The following CCDC158 variants were observed in gnomAD, a reference collection of about 807,000 sequenced individuals.
The protein encoded by CCDC158 is coiled-coil domain-containing protein 158.
Under a neutral mutation model 138.6 loss-of-function variants are expected in CCDC158, and 116 were observed. The ratio of observed to expected loss-of-function variants is 0.84; its 90% confidence interval spans 0.72 to 0.98. The LOEUF (loss-of-function observed/expected upper bound fraction) is 0.98. Ranked by LOEUF, CCDC158 falls within the 50% of genes least tolerant of loss-of-function variation. CCDC158 has a pLI of 0.00. For missense variants in CCDC158, 1,265 were observed against 1,306.1 expected (o/e 0.97, Z 0.48); for synonymous variants, 436 against 442.4 (o/e 0.99, Z 0.18).
chr4:76,419,975 T>C (rs978853683), intron 1 of CCDC158, among the ~76,000 whole-genome samples: 1 of 149,046 alleles, frequency 6.7e-6, no homozygotes, highest in East Asian at 2.0e-4. Flanking sequence ...TCATTGTAAA[T>C]GCACAACAAC....
At chr4:76,393,843 G>T (rs959170969) in intron 4 of CCDC158, among the ~76,000 whole-genome samples, 11 of 152,062 alleles carry the variant, frequency 7.2e-5, no homozygotes, top group Non-Finnish European at 1.3e-4. Flanking sequence ...TTTCTCAAAA[G>T]AAGAAATACA....
chr4:76,367,806 G>A (rs768354227), intron 11 of CCDC158, 30 bp from the exon 12 acceptor site: 2 of 1,569,324 alleles, frequency 1.3e-6, no homozygotes, highest in Non-Finnish European at 1.7e-6. Flanking sequence ...GAATTTCATA[G>A]ATTTGGGAGG....
At chr4:76,341,806 T>TA (rs1212696445) in intron 18 of CCDC158, among the ~76,000 whole-genome samples, 2 of 152,232 alleles carry the variant, frequency 1.3e-5, no homozygotes, top group East Asian at 1.9e-4. Context: ...CTGGTTTTCC[T>TA]ACTTTCTTAC....
At chr4:76,318,124 C>T (rs1237345737) in intron 24 of CCDC158, among the ~76,000 whole-genome samples, 1 of 151,954 alleles carries the variant, frequency 6.6e-6, no homozygotes, top group Non-Finnish European at 1.5e-5. Flanking sequence ...ACAAACTAAA[C>T]CCAAACCCAG....
At chr4:76,322,255 C>A (rs4446340) in intron 24 of CCDC158, among the ~76,000 whole-genome samples, 1 of 152,148 alleles carries the variant, frequency 6.6e-6, no homozygotes. Flanking sequence ...TTGGAATTTT[C>A]TTCAACAACA....
At chr4:76,420,145 A>T (rs573279764) in intron 1 of CCDC158, among the ~76,000 whole-genome samples, 4 of 151,586 alleles carry the variant, frequency 2.6e-5, no homozygotes, top group African/African-American at 9.8e-5. Flanking sequence ...TAGGAGGACC[A>T]CATCTCTCTC....
intron 23 of CCDC158, among the ~76,000 whole-genome samples, chr4:76,323,787 G>A (rs147834229): frequency 6.6e-6 from 1 of 152,296 alleles, no homozygotes; most frequent in East Asian, 1.9e-4. Flanking sequence ...GTTTGAGGGA[G>A]TATGATCTAA....
intron 4 of CCDC158, among the ~76,000 whole-genome samples, chr4:76,385,152 G>A (rs751987515): frequency 3.3e-5 from 5 of 152,126 alleles, no homozygotes; most frequent in Admixed American, 2.0e-4. Context: ...AGATGCTCCC[G>A]TACATAGTTG....
intron 12 of CCDC158, among the ~76,000 whole-genome samples, chr4:76,362,966 G>A (rs1328491753): frequency 1.3e-5 from 2 of 152,204 alleles, no homozygotes; most frequent in Non-Finnish European, 2.9e-5. Context: ...TGCAGAAAGA[G>A]TTCACATAGC....
At chr4:76,318,377 T>C (rs753552896) in intron 24 of CCDC158, among the ~76,000 whole-genome samples, 8 of 152,158 alleles carry the variant, frequency 5.3e-5, no homozygotes, top group Non-Finnish European at 8.8e-5. Flanking sequence ...AGGGCTACTA[T>C]GAACACTTTT....
At chr4:76,379,070 T>C (rs1725979144) in intron 9 of CCDC158, among the ~76,000 whole-genome samples, 1 of 151,504 alleles carries the variant, frequency 6.6e-6, no homozygotes, top group Admixed American at 6.6e-5. Context: ...ACTTGAACTA[T>C]GCAAAAAATT....
intron 17 of CCDC158, among the ~76,000 whole-genome samples, chr4:76,351,494 TAAACTCA>T (rs1723034290): frequency 6.6e-6 from 1 of 152,182 alleles, no homozygotes; most frequent in Non-Finnish European, 1.5e-5. Context: ...TCACCTATTT[TAAACTCA>T]CCTATTTTAA....
At chr4:76,409,443 G>A (rs1729111538) in intron 2 of CCDC158, among the ~76,000 whole-genome samples, 1 of 152,072 alleles carries the variant, frequency 6.6e-6, no homozygotes, top group African/African-American at 2.4e-5. Context: ...TGAGATCTTG[G>A]CCTCTTCTGA....
intron 24 of CCDC158, among the ~76,000 whole-genome samples, chr4:76,314,110 G>A (rs139408022): frequency 1.3e-5 from 2 of 152,202 alleles, no homozygotes; most frequent in Non-Finnish European, 2.9e-5. Context: ...AAGCGTAAAT[G>A]CACTTCAAGT....
chr4:76,401,287 TA>T, intron 3 of CCDC158: 2 of 483,736 alleles, frequency 4.1e-6, no homozygotes, highest in Non-Finnish European at 8.2e-6. Context: ...AGACTTTCTA[TA>T]AAAAGTGTGG....
rs1370838684 is a variant in CCDC158, at chr4:76,369,516, C to T, written c.1257G>A (p.Arg419=). The stretch of plus-strand genomic sequence containing the variant: ...CCTCCATGTTCCGGTTGTCCAGTTC[C>T]CGCCGCAGGTGGTCAATGGTGATGC... ...GNSITIDHLR[R]ELDNRNMEVQ... is the part of the protein sequence containing the mutation. The change falls in exon 11 of 25, where the codon CGG becomes CGA. Residue 419 remains arginine, a synonymous_variant. Coordinates refer to ENST00000682701, the MANE Select transcript of CCDC158 (RefSeq NM_001394954.1). 6.2e-7 allele frequency: 1 copy of T among 1,614,166 alleles called. No individual in the cohort carries two copies. Among genetic ancestry groups the T allele is most frequent in the Non-Finnish European group, 8.5e-7 (1 of 1,180,022 alleles).
chr4:76,335,676 C>A (rs114386786), intron 18 of CCDC158, among the ~76,000 whole-genome samples: 3 of 152,208 alleles, frequency 2.0e-5, no homozygotes, highest in African/African-American at 7.2e-5. Context: ...ATCTCCCAGG[C>A]TCAAGCAATC....
chr4:76,334,028 C>T lies in CCDC158; in HGVS notation c.2804G>A (p.Gly935Glu), dbSNP rs1390452253. 6.2e-7 allele frequency: 1 copy of T among 1,612,452 alleles called. No homozygotes were observed. Among genetic ancestry groups the T allele is most frequent in the African/African-American group, 1.3e-5 (1 of 75,012 alleles). Residue 935 changes from glycine to glutamate, a missense_variant, in exon 19 of 25, where the codon GGA (glycine) becomes GAA (glutamate). Physicochemically the swap from Gly to Glu is moderately conservative, Grantham distance 98. Coordinates refer to ENST00000682701, the MANE Select transcript of CCDC158 (RefSeq NM_001394954.1). ...GCCTTACACAGCCACATACAAGGCTCCCAGAGATGTTCTTCCATCTTCCTC... is the reference window on the plus strand; with the variant it reads ...GCCTTACACAGCCACATACAAGGCTTCCAGAGATGTTCTTCCATCTTCCTC... ...KTEEDGRTSLGALYVAVEDRV... is the reference protein window; with the variant it reads ...KTEEDGRTSLEALYVAVEDRV...
At chr4:76,396,248 C>G in intron 4 of CCDC158, 21 bp downstream of exon 4, 1 of 1,554,690 alleles carries the variant, frequency 6.4e-7, no homozygotes, top group South Asian at 1.1e-5. Context: ...GCATCAGGTG[C>G]TAGAAGAGAA....
Sources: gnomAD v4.1 joint callset for allele counts (sites outside exome capture counted in the v4.1 genomes callset) on GRCh38, gnomAD v4.1.1 for gene constraint, MANE v1.5 for transcripts, NCBI Gene and HGNC (gene_info 2026-07-23, HGNC 2026-07-21) for gene names.